Variants in GALNT14 observed in about 807,000 individuals in gnomAD.
The protein encoded by GALNT14 is polypeptide N-acetylgalactosaminyltransferase 14.
Under a neutral mutation model 77.5 loss-of-function variants are expected in GALNT14, and 60 were observed. The ratio of observed to expected loss-of-function variants is 0.77; its 90% CI spans 0.63 to 0.96. The LOEUF (loss-of-function observed/expected upper bound fraction) is 0.96, where lower values mean the gene tolerates loss of function less well. Ranked by LOEUF, GALNT14 falls within the 40% of genes least tolerant of loss-of-function variation. The probability of loss-of-function intolerance (pLI) is 0.00; values close to 1 mark genes in which losing one functional copy is unlikely to be tolerated. For missense variants in GALNT14, 710 were observed against 731.0 expected (o/e 0.97, Z 0.33); for synonymous variants, 280 against 281.7 (o/e 0.99, Z 0.06).
At chr2:30,981,638 A>T (rs2148378453) in intron 2 of GALNT14, among the ~76,000 whole-genome samples, 1 of 152,086 alleles carries the variant, frequency 6.6e-6, no homozygotes, top group Admixed American at 6.5e-5. Flanking sequence ...CTGCGAGGGG[A>T]AAGAGTAATC....
intron 1 of GALNT14, among the ~76,000 whole-genome samples, chr2:31,127,035 G>C (rs1192210311): frequency 6.6e-6 from 1 of 152,204 alleles, no homozygotes; most frequent in Non-Finnish European, 1.5e-5. Context: ...ACTCAGTTCA[G>C]ATCTTTCTTT....
intron 1 of GALNT14, among the ~76,000 whole-genome samples, chr2:31,059,755 C>T (rs1046380428): frequency 2.6e-5 from 4 of 152,226 alleles, no homozygotes; most frequent in Non-Finnish European, 5.9e-5. Context: ...AGGCCCCTCA[C>T]CCCTTCTGCC....
intron 1 of GALNT14, among the ~76,000 whole-genome samples, chr2:31,011,879 C>T (rs1389365597): frequency 6.6e-6 from 1 of 152,194 alleles, no homozygotes; most frequent in Non-Finnish European, 1.5e-5. Context: ...GACGTGCCGC[C>T]TGGCTCTGGC....
chr2:30,945,544 T>C (rs75765369), intron 7 of GALNT14, among the ~76,000 whole-genome samples: 1 of 152,306 alleles, frequency 6.6e-6, no homozygotes, highest in African/African-American at 2.4e-5. Context: ...GGACATTAAA[T>C]GGGGTGAGCC....
intron 3 of GALNT14, among the ~76,000 whole-genome samples, chr2:30,965,976 C>T (rs1215340575): frequency 1.3e-5 from 2 of 152,162 alleles, no homozygotes; most frequent in African/African-American, 2.4e-5. Flanking sequence ...ACCTTCTGCA[C>T]GTTACCTAAC....
In GALNT14 at chr2:30,958,455, G is replaced by C. The variant is rs1322195634; in HGVS notation, c.408C>G (p.Asn136Lys). The C allele has an allele frequency of 1.9e-6, 3 of 1,613,932 alleles. No individual in the cohort carries two copies. The highest frequency in any genetic ancestry group is 1.1e-5 in the South Asian group (1 of 91,066). The change falls in exon 4 of 15, where the codon AAC (asparagine) becomes AAG (lysine). Residue 136 changes from asparagine (N) to lysine (K), a missense_variant. Transcript: ENST00000349752. ...TLLRTIRSVL[N>K]RTPTHLIREI... The stretch of plus-strand genomic sequence containing the variant: ...CCCGGATCAGATGCGTAGGGGTGCG[G>C]TTTAATACACTGCAAGATGGAAACA...
chr2:31,012,893 A>G (rs543652488), intron 1 of GALNT14, among the ~76,000 whole-genome samples: 3 of 152,382 alleles, frequency 2.0e-5, no homozygotes, highest in Non-Finnish European at 4.4e-5. Flanking sequence ...GCTTAAAAGC[A>G]TGAATTTAAT....
chr2:31,132,794 G>A (rs962023823), intron 1 of GALNT14: 32 of 465,046 alleles, frequency 6.9e-5, no homozygotes, highest in Admixed American at 3.9e-4. Context: ...TAGGACTAAC[G>A]AATTAGCCAT....
intron 1 of GALNT14, among the ~76,000 whole-genome samples, chr2:31,068,919 T>C (rs1286219095): frequency 6.6e-6 from 1 of 152,186 alleles, no homozygotes; most frequent in Non-Finnish European, 1.5e-5. Flanking sequence ...TATTGTATGA[T>C]TCTATTTATA....
chr2:31,097,790 T>C (rs1329371251), intron 1 of GALNT14, among the ~76,000 whole-genome samples: 1 of 152,136 alleles, frequency 6.6e-6, no homozygotes, highest in Non-Finnish European at 1.5e-5. Flanking sequence ...AGCAAGACTG[T>C]ACTGACTGGC....
intron 6 of GALNT14, among the ~76,000 whole-genome samples, chr2:30,954,310 C>T (rs538902997): frequency 1.7e-4 from 26 of 152,308 alleles, no homozygotes; most frequent in African/African-American, 5.3e-4. Flanking sequence ...CAATCCAGAC[C>T]TCTTTGCCTA....
chr2:31,091,216 T>A (rs768670549), intron 1 of GALNT14, among the ~76,000 whole-genome samples: 1 of 152,232 alleles, frequency 6.6e-6, no homozygotes, highest in African/African-American at 2.4e-5. Flanking sequence ...GAAGGGCTTT[T>A]GCATTTTTAA....
downstream of GALNT14, among the ~76,000 whole-genome samples, chr2:30,909,643 T>C (rs1398955534): frequency 6.6e-6 from 1 of 151,882 alleles, no homozygotes; most frequent in African/African-American, 2.4e-5. Flanking sequence ...ATTGTGGAAG[T>C]CAGTGTGGCG....
chr2:31,120,882 T>C (rs943006423), intron 1 of GALNT14, among the ~76,000 whole-genome samples: 11 of 152,224 alleles, frequency 7.2e-5, no homozygotes, highest in African/African-American at 2.7e-4. Flanking sequence ...ATCCTCTTTG[T>C]TTTAAACTTG....
chr2:30,934,154 T>C (rs1180082295), intron 9 of GALNT14, among the ~76,000 whole-genome samples: 1 of 152,210 alleles, frequency 6.6e-6, no homozygotes, highest in Non-Finnish European at 1.5e-5. Flanking sequence ...GGGCACTGTT[T>C]GAATCGTTTT....
intron 1 of GALNT14, among the ~76,000 whole-genome samples, chr2:31,085,313 C>G (rs989724125): frequency 2.0e-5 from 3 of 152,178 alleles, no homozygotes; most frequent in African/African-American, 7.2e-5. Flanking sequence ...CGGGGTACCC[C>G]AGAGCTATCA....
At position 31,057,185 on chromosome 2, in the gene GALNT14, G is replaced by A. The variant is rs117903495; in HGVS notation, c.130-64178C>T. Among the ~76,000 whole-genome samples the A allele has an allele frequency of 1.2e-4, 18 of 151,240 alleles. No homozygotes were observed. The East Asian group carries it at 3.5e-3, about 29-fold the overall frequency. On this transcript the variant is annotated intron_variant, in intron 1 of 14. Transcript: ENST00000349752. ...TGAAAAACTAACTATTCGGTACTAT[G>A]CTCATTACCTGGGTGATGGAATCAT...
At chr2:31,075,425 T>TG (rs1675705510) in intron 1 of GALNT14, among the ~76,000 whole-genome samples, 1 of 152,206 alleles carries the variant, frequency 6.6e-6, no homozygotes. Context: ...ACCTAGAAGC[T>TG]GCTCCTAAAA....
chr2:31,128,134 A>G (rs1252432374), intron 1 of GALNT14, among the ~76,000 whole-genome samples: 1 of 152,110 alleles, frequency 6.6e-6, no homozygotes, highest in Non-Finnish European at 1.5e-5. Context: ...ACGCTTTCCT[A>G]AGTTTAACCA....
Sources: allele counts gnomAD v4.1 joint callset (sites outside exome capture counted in the v4.1 genomes callset), GRCh38; gene constraint gnomAD v4.1.1; transcripts MANE v1.5; gene names NCBI Gene and HGNC (gene_info 2026-07-23, HGNC 2026-07-21).